Variants in TRPC5 observed in about 807,000 individuals in gnomAD.
TRPC5 encodes the protein short transient receptor potential channel 5.
A neutral mutation model predicts 56.5 loss-of-function variants in TRPC5; 9 were observed. That is an observed-to-expected ratio of 0.16 (90% CI 0.10 to 0.28). The LOEUF (loss-of-function observed/expected upper bound fraction) is 0.28. Ranked by LOEUF, TRPC5 falls within the 10% of genes least tolerant of loss-of-function variation. The probability of loss-of-function intolerance (pLI) is 1.00; values close to 1 mark genes in which losing one functional copy is unlikely to be tolerated. For missense variants in TRPC5, 469 were observed against 748.9 expected, an observed-to-expected ratio of 0.63 and a Z score of 4.36; for synonymous variants, 282 against 278.5, an observed-to-expected ratio of 1.01 and a Z score of -0.13.
chrX:111,887,412 C>T (rs1210614991), intron 3 of TRPC5, among the ~76,000 whole-genome samples: 1 of 112,050 alleles, frequency 8.9e-6, no homozygotes, highest in African/African-American at 3.2e-5. Context: ...ACACATTAAG[C>T]TTCAAGGCAC....
chrX:111,875,697 C>T (rs1923916454), intron 3 of TRPC5, among the ~76,000 whole-genome samples: 1 of 107,342 alleles, frequency 9.3e-6, no homozygotes, highest in Non-Finnish European at 1.9e-5. Context: ...TGCTGACCTC[C>T]CCATTCTCCT....
chrX:112,001,417 T>C (rs1042666221), intron 1 of TRPC5, among the ~76,000 whole-genome samples: 3 of 112,019 alleles, frequency 2.7e-5, no homozygotes, highest in African/African-American at 9.7e-5. Flanking sequence ...GAATGCAAAG[T>C]GCTTGGAACA....
intron 2 of TRPC5, among the ~76,000 whole-genome samples, chrX:111,924,849 A>T (rs1926216967): frequency 8.9e-6 from 1 of 112,456 alleles, no homozygotes; most frequent in Non-Finnish European, 1.9e-5. Context: ...GAGCAGCAGG[A>T]GTTAATTCCT....
At chrX:111,935,757 T>A (rs1926554021) in intron 2 of TRPC5, among the ~76,000 whole-genome samples, 1 of 112,018 alleles carries the variant, frequency 8.9e-6, no homozygotes, top group Non-Finnish European at 1.9e-5. Flanking sequence ...TTTTGGCACC[T>A]TTGTTGAAAA....
intron 1 of TRPC5, among the ~76,000 whole-genome samples, chrX:111,958,952 C>T (rs1927305050): frequency 8.9e-6 from 1 of 112,088 alleles, no homozygotes; most frequent in African/African-American, 3.2e-5. Flanking sequence ...AGTTCTATAT[C>T]CTGCAAAATG....
chrX:111,952,061 C>T lies in TRPC5; in HGVS notation c.360G>A (p.Arg120=). 8.3e-7 allele frequency: 1 copy of T among 1,207,829 alleles called. No individual in the cohort carries two copies. The highest frequency in any genetic ancestry group is 1.1e-6 in the Non-Finnish European group (1 of 893,032). The change falls in exon 2 of 11, where the codon CGG becomes CGA. Residue 120 remains arginine, a synonymous_variant. Coordinates refer to ENST00000262839, the MANE Select transcript of TRPC5 (RefSeq NM_012471.3). ...CTCTTACCTGCTTCTCTCCGCTGGG[C>T]CGCCTGTAGCTGAGCAGAAGCTCCA... ...GAVELLLSYR[R]PSGEKQVPTL...
At chrX:111,966,285 G>T (rs1725245663) in intron 1 of TRPC5, among the ~76,000 whole-genome samples, 1 of 111,880 alleles carries the variant, frequency 8.9e-6, no homozygotes, top group Admixed American at 9.4e-5. Context: ...CCAGGAAGAA[G>T]TTGAACCTCT....
chrX:111,988,224 C>T (rs1214779825), intron 1 of TRPC5, among the ~76,000 whole-genome samples: 4 of 111,108 alleles, frequency 3.6e-5, no homozygotes, highest in African/African-American at 6.5e-5. Flanking sequence ...AATAAAACAC[C>T]TCATATCTAG....
At chrX:112,073,296 G>A (rs1930758175) in intron 1 of TRPC5, among the ~76,000 whole-genome samples, 2 of 111,223 alleles carry the variant, frequency 1.8e-5, no homozygotes, top group Admixed American at 1.9e-4. Context: ...TAGAGACGGA[G>A]TCTCACTCTG....
chrX:112,077,994 A>G (rs2147750809), intron 1 of TRPC5, among the ~76,000 whole-genome samples: 1 of 111,234 alleles, frequency 9.0e-6, no homozygotes, highest in East Asian at 2.8e-4. Context: ...ACTAAACCAG[A>G]GCCATAGTCA....
chrX:111,999,664 G>A (rs1337950826), intron 1 of TRPC5, among the ~76,000 whole-genome samples: 1 of 111,964 alleles, frequency 8.9e-6, no homozygotes, highest in Non-Finnish European at 1.9e-5. Flanking sequence ...TGAAATAGGG[G>A]AATTGTAATT....
intron 7 of TRPC5, among the ~76,000 whole-genome samples, chrX:111,823,784 T>C (rs1028592279): frequency 1.8e-5 from 2 of 110,847 alleles, no homozygotes; most frequent in African/African-American, 6.6e-5. Flanking sequence ...GTCAGCAAGT[T>C]AGTCAACCAG....
intron 1 of TRPC5, among the ~76,000 whole-genome samples, chrX:111,969,193 A>T (rs762731008): frequency 5.4e-5 from 6 of 111,208 alleles, no homozygotes; most frequent in African/African-American, 2.0e-4. Flanking sequence ...GAAAACTCAG[A>T]TAATCGTTAA....
chrX:111,867,340 G>A (rs1274457636), intron 3 of TRPC5, among the ~76,000 whole-genome samples: 1 of 112,103 alleles, frequency 8.9e-6, no homozygotes, highest in Non-Finnish European at 1.9e-5. Context: ...GCTTTGTCAT[G>A]AGGCACCACA....
chrX:112,023,234 G>GTTTTTTTTTTTTT (rs749260030), intron 1 of TRPC5, among the ~76,000 whole-genome samples: 2 of 45,960 alleles, frequency 4.4e-5, no homozygotes, highest in African/African-American at 1.6e-4. Flanking sequence ...GCGCCCAGCA[G>GTTTTTTTTTTTTT]TTTTTTTTTT....
At chrX:111,902,393 G>A in intron 3 of TRPC5, 1 of 291,069 alleles carries the variant, frequency 3.4e-6, no homozygotes, top group Non-Finnish European at 5.9e-6. Flanking sequence ...AGAAAGTTCT[G>A]TCTTTTGCCA....
intron 1 of TRPC5, among the ~76,000 whole-genome samples, chrX:112,077,448 T>C (rs966082649): frequency 9.8e-5 from 11 of 112,310 alleles, no homozygotes; most frequent in Non-Finnish European, 1.9e-4. Flanking sequence ...TCTAGCCCGG[T>C]GCTTCTCAAA....
chrX:111,800,873 C>T lies in TRPC5; in HGVS notation c.1897-18735G>A, dbSNP rs187020561. Reference sequence around the variant, plus strand: ...TATTAGTAGTTAAGTTTTGGGGAAACCAAAAGTTATAAGCAGATTATTGAC... The same window carrying T: ...TATTAGTAGTTAAGTTTTGGGGAAATCAAAAGTTATAAGCAGATTATTGAC... On this transcript the variant is annotated intron_variant, in intron 7 of 10. Transcript: ENST00000262839. 6.9e-3 allele frequency among the ~76,000 whole-genome samples: 766 copies of T among 110,898 alleles called. 4 individuals carry two copies. Among genetic ancestry groups the T allele is most frequent in the African/African-American group, 0.024 (732 of 30,491 alleles).
At chrX:111,863,532 C>G (rs1923463395) in intron 3 of TRPC5, among the ~76,000 whole-genome samples, 1 of 112,037 alleles carries the variant, frequency 8.9e-6, no homozygotes, top group African/African-American at 3.3e-5. Flanking sequence ...AGGATTTTCT[C>G]TGTACAAGGT....
Sources: allele counts gnomAD v4.1 joint callset (sites outside exome capture counted in the v4.1 genomes callset), GRCh38; gene constraint gnomAD v4.1.1; transcripts MANE v1.5; gene names NCBI Gene and HGNC (gene_info 2026-07-23, HGNC 2026-07-21).